CACHD1: variants seen among roughly 807,000 people sequenced by gnomAD.
CACHD1 encodes cache domain containing 1, also known as VWFA and cache domain-containing protein 1.
A neutral mutation model predicts 138.7 loss-of-function variants in CACHD1; 71 were observed. The ratio of observed to expected loss-of-function variants is 0.51; its 90% CI spans 0.42 to 0.62. CACHD1 has a LOEUF of 0.62. CACHD1 is among the 20% of genes least tolerant of loss of function. The probability of loss-of-function intolerance (pLI) is 0.00; values close to 1 mark genes in which losing one functional copy is unlikely to be tolerated. For missense variants in CACHD1, 1,389 were observed against 1,625.3 expected, an observed-to-expected ratio of 0.85 and a Z score of 2.50; for synonymous variants, 578 against 591.5, an observed-to-expected ratio of 0.98 and a Z score of 0.33.
chr1:64,623,257 CT>C (rs1647979480), intron 4 of CACHD1, among the ~76,000 whole-genome samples: 1 of 152,012 alleles, frequency 6.6e-6, no homozygotes, highest in Admixed American at 6.6e-5. Context: ...AAAAAATGAG[CT>C]GGGCATGGTG....
At chr1:64,539,072 G>A (rs1646656619) in intron 1 of CACHD1, among the ~76,000 whole-genome samples, 1 of 152,090 alleles carries the variant, frequency 6.6e-6, no homozygotes, top group Non-Finnish European at 1.5e-5. Context: ...CAACGTCAGA[G>A]CCTCTCAAGC....
At chr1:64,535,327 G>GTGT (rs1553130512) in intron 1 of CACHD1, among the ~76,000 whole-genome samples, 5 of 136,642 alleles carry the variant, frequency 3.7e-5, no homozygotes, top group African/African-American at 5.4e-5. Context: ...AATTTGGAGG[G>GTGT]TTTTTTTTTT....
At chr1:64,670,071 T>G (rs1649765181) in intron 16 of CACHD1, among the ~76,000 whole-genome samples, 1 of 152,204 alleles carries the variant, frequency 6.6e-6, no homozygotes, top group African/African-American at 2.4e-5. Context: ...TTGGAAACGC[T>G]TGAATGCTCT....
intron 1 of CACHD1, among the ~76,000 whole-genome samples, chr1:64,517,089 T>G (rs1381610718): frequency 6.6e-6 from 1 of 152,212 alleles, no homozygotes; most frequent in African/African-American, 2.4e-5. Context: ...TTGTTATATG[T>G]GTGAGACATA....
At chr1:64,573,627 C>T (rs977058760) in intron 2 of CACHD1, among the ~76,000 whole-genome samples, 2 of 152,152 alleles carry the variant, frequency 1.3e-5, no homozygotes, top group South Asian at 4.2e-4. Flanking sequence ...GAAGATCTTT[C>T]CAATATGGCA....
chr1:64,689,381 C>T (rs996567180), intron 26 of CACHD1, among the ~76,000 whole-genome samples: 1 of 152,160 alleles, frequency 6.6e-6, no homozygotes, highest in East Asian at 1.9e-4. Context: ...CTCCTCACCC[C>T]CACAGTCCCC....
intron 9 of CACHD1, among the ~76,000 whole-genome samples, chr1:64,651,862 T>C (rs1557540169): frequency 6.6e-6 from 1 of 152,226 alleles, no homozygotes. Flanking sequence ...TGTTTTGCAC[T>C]GATCTGGAAG....
chr1:64,490,606 G>C (rs1433411441), intron 1 of CACHD1, among the ~76,000 whole-genome samples: 3 of 152,172 alleles, frequency 2.0e-5, no homozygotes, highest in African/African-American at 4.8e-5. Context: ...GTACTTTGTG[G>C]GTGGTGCAAT....
rs1216229309 is a variant in CACHD1 at position 64,500,752 on chromosome 1, G to A, written c.198+29810G>A. ...AAAAAAAAAGAGAGAGAGAGAGAGAGAGAGAGAGAGAGAGTCCGGACGCGG... is the reference window on the plus strand; with the variant it reads ...AAAAAAAAAGAGAGAGAGAGAGAGAAAGAGAGAGAGAGAGTCCGGACGCGG... On this transcript the variant is annotated intron_variant, in intron 1 of 26. Coordinates refer to ENST00000651257, the MANE Select transcript of CACHD1 (RefSeq NM_020925.4). Among the ~76,000 whole-genome samples the A allele has an allele frequency of 3.5e-5, 5 of 144,502 alleles. 1 individual carries two copies. Among genetic ancestry groups the A allele is most frequent in the African/African-American group, 1.0e-4 (4 of 38,182 alleles). 94.8% of individuals were successfully genotyped at this position (144,502 alleles called of 152,430 possible).
rs1309042119 is a variant in CACHD1, at chr1:64,629,428, T to C, written c.591T>C (p.Thr197=). The change falls in exon 5 of 27, where the codon ACT becomes ACC. Residue 197 remains threonine, a synonymous_variant. Coordinates refer to ENST00000651257, the MANE Select transcript of CACHD1 (RefSeq NM_020925.4). ...TCAGTTCAGAAGAAGGAATTTTCAC[T>C]GTTTTCCCAGCACACAAGTTCCGGT... The part of the protein sequence containing the change: ...QYFSSEEGIF[T]VFPAHKFRCK... 5 of 1,614,040 alleles carry C rather than the reference T, an allele frequency of 3.1e-6. No homozygotes were observed. Among genetic ancestry groups the C allele is most frequent in the East Asian group, 4.5e-5 (2 of 44,892 alleles).
intron 25 of CACHD1, among the ~76,000 whole-genome samples, chr1:64,681,541 G>GGTTTTTTT (rs1553146851): frequency 0.023 from 1,579 of 68,022 alleles, 181 homozygotes; most frequent in East Asian, 0.11. Context: ...ATTTTATTGT[G>GGTTTTTTT]TTTTTTTTTT....
intron 4 of CACHD1, among the ~76,000 whole-genome samples, chr1:64,624,216 G>A (rs1380582747): frequency 6.6e-6 from 1 of 152,236 alleles, no homozygotes; most frequent in African/African-American, 2.4e-5. Context: ...CTCAGCAGGA[G>A]AATTGGAGAA....
At chr1:64,483,624 C>T (rs975346253) in intron 1 of CACHD1, among the ~76,000 whole-genome samples, 3 of 149,648 alleles carry the variant, frequency 2.0e-5, no homozygotes, top group African/African-American at 5.0e-5. Flanking sequence ...TGGCAGGACC[C>T]CTTGAGGCCA....
At chr1:64,678,928 G>A (rs1427998213) in intron 23 of CACHD1, among the ~76,000 whole-genome samples, 2 of 152,058 alleles carry the variant, frequency 1.3e-5, no homozygotes, top group Non-Finnish European at 2.9e-5. Flanking sequence ...CTAATTCTTA[G>A]ATGGCAGTAG....
intron 1 of CACHD1, among the ~76,000 whole-genome samples, chr1:64,544,364 G>A (rs140749385): frequency 1.3e-5 from 2 of 152,270 alleles, no homozygotes; most frequent in Non-Finnish European, 2.9e-5. Flanking sequence ...TGTTGGTGGC[G>A]TGAAGGTTGG....
chr1:64,633,772 G>C (rs1226252448), intron 6 of CACHD1, among the ~76,000 whole-genome samples: 1 of 152,168 alleles, frequency 6.6e-6, no homozygotes, highest in African/African-American at 2.4e-5. Context: ...GCATAAAATA[G>C]TTTGTGTGTG....
intron 4 of CACHD1, 110 bp from the exon 5 acceptor site, chr1:64,629,245 T>G: frequency 1.7e-6 from 2 of 1,187,026 alleles, no homozygotes; most frequent in Non-Finnish European, 2.4e-6. Context: ...TTGTATCTAG[T>G]GGGATTTCTT....
At chr1:64,600,629 C>G (rs1391747391) in intron 3 of CACHD1, among the ~76,000 whole-genome samples, 1 of 152,134 alleles carries the variant, frequency 6.6e-6, no homozygotes, top group African/African-American at 2.4e-5. Flanking sequence ...CAGTGGTGAA[C>G]AAAATCAACA....
intron 4 of CACHD1, among the ~76,000 whole-genome samples, chr1:64,624,959 G>A (rs1435784417): frequency 6.6e-6 from 1 of 152,136 alleles, no homozygotes; most frequent in Admixed American, 6.5e-5. Context: ...AAATAAACTT[G>A]TATTGGCACA....
Sources: allele counts gnomAD v4.1 joint callset (sites outside exome capture counted in the v4.1 genomes callset), GRCh38; gene constraint gnomAD v4.1.1; transcripts MANE v1.5; gene names NCBI Gene and HGNC (gene_info 2026-07-23, HGNC 2026-07-21).